Variants in EPHA10 observed in about 807,000 individuals in gnomAD.
The protein encoded by EPHA10 is ephrin type-A receptor 10.
In EPHA10, 120 loss-of-function variants were observed where a neutral mutation model predicts 109.7. The observed-to-expected ratio is 1.09, with a 90% confidence interval of 0.94 to 1.27. The LOEUF (loss-of-function observed/expected upper bound fraction) is 1.27, where lower values mean the gene tolerates loss of function less well. EPHA10 is among the 50% of genes most tolerant of loss of function. The probability of loss-of-function intolerance (pLI) is 0.00; values close to 1 mark genes in which losing one functional copy is unlikely to be tolerated. For missense variants in EPHA10, 1,396 were observed against 1,411.1 expected, an observed-to-expected ratio of 0.99 and a Z score of 0.17; for synonymous variants, 640 against 618.9, an observed-to-expected ratio of 1.03 and a Z score of -0.51.
intron 8 of EPHA10, among the ~76,000 whole-genome samples, chr1:37,725,031 G>A (rs989430085): frequency 6.6e-6 from 1 of 152,174 alleles, no homozygotes; most frequent in African/African-American, 2.4e-5. Context: ...CTGGCTGGGA[G>A]GATCACCTCC....
In EPHA10 at chr1:37,761,481, G is replaced by A. The variant is rs1221302559; in HGVS notation, c.774C>T (p.Ala258=). The A allele has an allele frequency of 6.2e-7, 1 of 1,600,438 alleles. No individual in the cohort carries two copies. The highest frequency in any genetic ancestry group is 8.5e-7 in the Non-Finnish European group (1 of 1,179,492). ...PGSPPRMHCG[A]DGEWLVPVGR... is the part of the protein sequence containing the mutation. ...CCACAGGCACCAGCCACTCGCCGTC[G>A]GCGCCGCAGTGCATGCGTGGGGGGC... The change falls in exon 3 of 17, where the codon GCC becomes GCT. Residue 258 remains alanine (A), a synonymous_variant. Coordinates refer to ENST00000373048, the MANE Select transcript of EPHA10 (RefSeq NM_001099439.2).
At chr1:37,762,241 A>G (rs1646440386) in intron 2 of EPHA10, among the ~76,000 whole-genome samples, 158 bp from the exon 3 acceptor site, 1 of 152,208 alleles carries the variant, frequency 6.6e-6, no homozygotes, top group Non-Finnish European at 1.5e-5. Context: ...AATGATCCCA[A>G]TCCTTATTTT....
chr1:37,725,377 G>A (rs111675273), intron 8 of EPHA10, among the ~76,000 whole-genome samples: 5 of 151,984 alleles, frequency 3.3e-5, no homozygotes, highest in African/African-American at 4.8e-5. Context: ...ATGGTGGCAC[G>A]GGCCTGTAGT....
chr1:37,734,529 T>C, intron 6 of EPHA10: 1 of 415,784 alleles, frequency 2.4e-6, no homozygotes, highest in East Asian at 7.4e-5. Context: ...AATGAAACTC[T>C]GTCTCAAAAT....
intron 6 of EPHA10, among the ~76,000 whole-genome samples, chr1:37,734,351 C>A (rs745601349): frequency 6.6e-6 from 1 of 151,946 alleles, no homozygotes; most frequent in Non-Finnish European, 1.5e-5. Context: ...CTGGCCAACA[C>A]GATGAAACCT....
chr1:37,762,296 A>T (rs1646440795), intron 2 of EPHA10, among the ~76,000 whole-genome samples: 1 of 152,174 alleles, frequency 6.6e-6, no homozygotes, highest in Admixed American at 6.5e-5. Flanking sequence ...CGATCTGACC[A>T]GGTATGCACA....
chr1:37,734,934 A>T (rs1646044304), intron 6 of EPHA10, among the ~76,000 whole-genome samples: 1 of 152,176 alleles, frequency 6.6e-6, no homozygotes, highest in South Asian at 2.1e-4. Flanking sequence ...TTTTCTTTAA[A>T]AGGGCTCTAC....
chr1:37,761,462 G>T lies in EPHA10; in HGVS notation c.793C>A (p.Pro265Thr), dbSNP rs1333865903. 8 of 1,599,174 alleles carry T rather than the reference G, an allele frequency of 5.0e-6. No homozygotes were observed. Among genetic ancestry groups the T allele is most frequent in the Non-Finnish European group, 6.8e-6 (8 of 1,179,632 alleles). Residue 265 changes from proline to threonine, a missense_variant, in exon 3 of 17, where the codon CCT becomes ACT. By Grantham distance (38) the Pro-to-Thr change is conservative (BLOSUM62 -1). Transcript: ENST00000373048. ...GCGCTGCAGCTGCAGCGGCCCACAG[G>T]CACCAGCCACTCGCCGTCGGCGCCG... ...HCGADGEWLV[P>T]VGRCSCSAGF...
chr1:37,718,670 A>T lies in EPHA10; in HGVS notation c.2903T>A (p.Met968Lys). The change falls in exon 16 of 17, where the codon ATG (methionine) becomes AAG (lysine). Residue 968 changes from methionine (M) to lysine (K), a missense_variant. By Grantham distance (95) the Met-to-Lys change is moderately conservative. Coordinates refer to ENST00000373048, the MANE Select transcript of EPHA10 (RefSeq NM_001099439.2). ...GYGSLEAVAE[M>K]TAQDLVSLGI... ...GGTGCCTTGGACTCACTGGGCAGTC[A>T]TCTCGGCCACGGCCTCCAGGCTCCC... 2 of 1,613,198 alleles carry T rather than the reference A, an allele frequency of 1.2e-6. No individual in the cohort carries two copies. Among genetic ancestry groups the T allele is most frequent in the Non-Finnish European group, 1.7e-6 (2 of 1,180,032 alleles).
chr1:37,727,240 G>T, intron 7 of EPHA10, 30 bp from the exon 8 acceptor site: 2 of 1,564,052 alleles, frequency 1.3e-6, no homozygotes, highest in South Asian at 2.4e-5. Flanking sequence ...GTTGAGGCAG[G>T]CAGAGGACCA....
intron 5 of EPHA10, among the ~76,000 whole-genome samples, chr1:37,748,918 CTTTTTTT>C (rs55656984): frequency 2.6e-4 from 25 of 95,306 alleles, no homozygotes; most frequent in African/African-American, 9.9e-4. Context: ...TTCTTTTCAT[CTTTTTTT>C]TTTTTTTTTT....
At chr1:37,753,276 G>T in intron 4 of EPHA10, 50 bp from the exon 5 acceptor site, 3 of 819,716 alleles carry the variant, frequency 3.7e-6, no homozygotes, top group South Asian at 4.6e-5. Context: ...GGGTGCCCGT[G>T]AGAGGGGCGG....
At position 37,753,052 on chromosome 1, in the gene EPHA10, G is replaced by C. The variant is rs1479143228; in HGVS notation, c.1181C>G (p.Pro394Arg). 1.6e-6 allele frequency: 2 copies of C among 1,250,914 alleles called. No homozygotes were observed. The highest frequency in any genetic ancestry group is 2.7e-5 in the South Asian group (1 of 37,542). 77.5% of individuals were successfully genotyped at this position (1,250,914 alleles called of 1,614,324 possible). The change falls in exon 5 of 17, where the codon CCG becomes CGG. Residue 394 changes from proline to arginine, a missense_variant. Transcript: ENST00000373048. ...GPAGACEPCG[P>R]RVAFLPRQAG... The stretch of plus-strand genomic sequence containing the variant: ...CTGGCGCGGTAGGAAGGCCACGCGC[G>C]GCCCGCACGGCTCGCAGGCGCCCGC...
In EPHA10 at chr1:37,762,796, G is replaced by A. The variant is rs775380990; in HGVS notation, c.160C>T (p.Pro54Ser). 4.5e-6 allele frequency: 7 copies of A among 1,553,270 alleles called. No individual in the cohort carries two copies. The highest frequency in any genetic ancestry group is 6.1e-6 in the Non-Finnish European group (7 of 1,147,612). Reference sequence around the variant, plus strand: ...ACTTGTGCACTTACCCCATTACTTGGCAGTGCAGTCCAGCCCAGCTCGGCC... The same window carrying A: ...ACTTGTGCACTTACCCCATTACTTGACAGTGCAGTCCAGCCCAGCTCGGCC... The part of the protein sequence containing the change: ...SQAELGWTAL[P>S]SNGWEEISGV... The change falls in exon 2 of 17, where the codon CCA becomes TCA. Residue 54 changes from proline to serine, a missense_variant. Physicochemically the swap from Pro to Ser is moderately conservative, Grantham distance 74 (BLOSUM62 -1). Transcript: ENST00000373048.
chr1:37,754,430 T>C lies in EPHA10; in HGVS notation c.851-60A>G. ...TCCAGTTTCTCCCCGCTTTCCTGAC[T>C]GGCCTGGTTAGGGCAGCGTTTATCT... On this transcript the variant is annotated intron_variant, in intron 3 of 16. Coordinates refer to ENST00000373048, the MANE Select transcript of EPHA10 (RefSeq NM_001099439.2). This position sits in a 1 kb window ranked among gnomAD's most constrained non-coding sequence, Gnocchi z 4.5. The C allele has an allele frequency of 3.2e-6, 4 of 1,261,120 alleles. No homozygotes were observed. The highest frequency in any genetic ancestry group is 2.0e-4 in the Middle Eastern group (1 of 4,922). 78.1% of individuals were successfully genotyped at this position (1,261,120 alleles called of 1,614,324 possible).
intron 10 of EPHA10, chr1:37,722,812 A>T (rs1462702384): frequency 1.5e-6 from 1 of 674,956 alleles, no homozygotes. Flanking sequence ...GACCTTGAGG[A>T]CCAGGAGAGG....
chr1:37,757,751 G>A (rs114976239), intron 3 of EPHA10, among the ~76,000 whole-genome samples: 2,436 of 151,898 alleles, frequency 0.016, 73 homozygotes, highest in African/African-American at 0.056. Flanking sequence ...AATATTTTTT[G>A]GCATCTACTA....
chr1:37,720,569 G>A lies in EPHA10; in HGVS notation c.2209-15C>T. On this transcript the variant is annotated splice_polypyrimidine_tract_variant and intron_variant, in intron 12 of 16. Coordinates refer to ENST00000373048, the MANE Select transcript of EPHA10 (RefSeq NM_001099439.2). ...CCCTCGTGCCGCTGTGGAGGGAGAA[G>A]ACTGAGGCCAGGGCTGTGCGCTTGG... 1 of 1,604,474 alleles carries A rather than the reference G, an allele frequency of 6.2e-7. No individual in the cohort carries two copies. Among genetic ancestry groups the A allele is most frequent in the Non-Finnish European group, 8.5e-7 (1 of 1,175,618 alleles).
chr1:37,726,769 C>A (rs1027011831), intron 8 of EPHA10, among the ~76,000 whole-genome samples: 19 of 152,234 alleles, frequency 1.2e-4, no homozygotes, highest in African/African-American at 4.6e-4. Context: ...GGGACAGGGG[C>A]TGGGGGCCTC....
Sources: allele counts gnomAD v4.1 joint callset (sites outside exome capture counted in the v4.1 genomes callset), GRCh38; gene constraint gnomAD v4.1.1; non-coding constraint Gnocchi (gnomAD v3.1); transcripts MANE v1.5; gene names NCBI Gene and HGNC (gene_info 2026-07-23, HGNC 2026-07-21).